The following WASHC5 variants were observed in gnomAD, a reference collection of about 807,000 sequenced individuals.
WASHC5 encodes the protein WASH complex subunit strumpellin.
In WASHC5, 101 loss-of-function variants were observed where a neutral mutation model predicts 150.4. The observed-to-expected ratio is 0.67, with a 90% CI of 0.57 to 0.79. The LOEUF (loss-of-function observed/expected upper bound fraction) is 0.79, where lower values mean the gene tolerates loss of function less well. Among genes scored for constraint, WASHC5 ranks in the 30% least tolerant of loss-of-function variants. The probability of loss-of-function intolerance (pLI) is 0.00; values close to 1 mark genes in which losing one functional copy is unlikely to be tolerated. For missense variants in WASHC5, 1,195 were observed against 1,396.3 expected, an observed-to-expected ratio of 0.86 and a Z score of 2.30; for synonymous variants, 467 against 491.2, an observed-to-expected ratio of 0.95 and a Z score of 0.65.
intron 26 of WASHC5, 114 bp from the exon 27 acceptor site, chr8:125,032,508 G>T: frequency 8.4e-7 from 1 of 1,191,688 alleles, no homozygotes; most frequent in African/African-American, 1.5e-5. Flanking sequence ...GCTGGCAGAT[G>T]ATATTTTGGA....
In WASHC5 at chr8:125,051,661, G is replaced by A. The variant is rs566351142; in HGVS notation, c.2098-996C>T. The stretch of plus-strand genomic sequence containing the variant: ...CCAGCTCTTTGGAAAGCTGAGGCAG[G>A]CGGATCACCCAAGGTCAGGAGTTCC... On this transcript the variant is annotated intron_variant, in intron 17 of 28. Transcript: ENST00000318410. Among the ~76,000 whole-genome samples the A allele has an allele frequency of 3.9e-4, 60 of 152,342 alleles. 1 individual carries two copies. The highest frequency in any genetic ancestry group is 3.4e-3 in the Middle Eastern group (1 of 294).
chr8:125,047,442 T>C (rs1269912586), intron 19 of WASHC5, 111 bp from the exon 20 acceptor site: 1 of 1,157,354 alleles, frequency 8.6e-7, no homozygotes, highest in Non-Finnish European at 1.2e-6. Flanking sequence ...ACAATAAAGG[T>C]TGTTTTTTTT....
intron 11 of WASHC5, among the ~76,000 whole-genome samples, chr8:125,063,099 C>T (rs973699147): frequency 1.3e-5 from 2 of 152,050 alleles, no homozygotes; most frequent in Non-Finnish European, 2.9e-5. Flanking sequence ...TAGATTATGA[C>T]ATTCTTGGGT....
chr8:125,091,003 C>A (rs776535547), intron 1 of WASHC5, among the ~76,000 whole-genome samples: 4 of 152,134 alleles, frequency 2.6e-5, no homozygotes, highest in Non-Finnish European at 5.9e-5. Context: ...TACGCCTCAC[C>A]TATGTTTGAG....
intron 23 of WASHC5, among the ~76,000 whole-genome samples, chr8:125,042,066 A>G (rs1410117914): frequency 6.6e-6 from 1 of 152,228 alleles, no homozygotes; most frequent in Non-Finnish European, 1.5e-5. Context: ...TTTACTGCAC[A>G]ATGAATCTTT....
At chr8:125,049,261 T>G in intron 18 of WASHC5, 76 bp from the exon 19 acceptor site, 1 of 1,507,232 alleles carries the variant, frequency 6.6e-7, no homozygotes, top group Non-Finnish European at 9.2e-7. Flanking sequence ...CTAACTAGAC[T>G]TTAAATAGTA....
At chr8:125,082,794 A>G in intron 3 of WASHC5, 1 of 366,802 alleles carries the variant, frequency 2.7e-6, no homozygotes, top group Non-Finnish European at 4.9e-6. Flanking sequence ...AAGAGACAGA[A>G]AGTTAATGAT....
At chr8:125,030,224 C>T (rs1410623844) in intron 27 of WASHC5, among the ~76,000 whole-genome samples, 1 of 152,184 alleles carries the variant, frequency 6.6e-6, no homozygotes, top group Admixed American at 6.5e-5. Flanking sequence ...ATCACCTCCG[C>T]ACCACCTGAA....
intron 5 of WASHC5, among the ~76,000 whole-genome samples, chr8:125,079,287 T>C (rs2130195113): frequency 7.0e-6 from 1 of 143,478 alleles, no homozygotes; most frequent in East Asian, 2.1e-4. Context: ...TGCCTCCAGG[T>C]TCAAGCAATT....
At position 125,064,608 on chromosome 8, in the gene WASHC5, GT is replaced by G. The variant is rs900675844; in HGVS notation, c.1279-958del. Among the ~76,000 whole-genome samples the G allele has an allele frequency of 2.1e-3, 305 of 144,302 alleles. 1 individual carries two copies. The highest frequency in any genetic ancestry group is 6.5e-3 in the African/African-American group (258 of 39,646). 94.7% of individuals were successfully genotyped at this position (144,302 alleles called of 152,430 possible). A position where few individuals can be genotyped will look rare whatever the true frequency, so the allele number is the denominator to read the frequency against. On this transcript the variant is annotated intron_variant, in intron 10 of 28. Coordinates refer to ENST00000318410, the MANE Select transcript of WASHC5 (RefSeq NM_014846.4). Reference sequence around the variant, plus strand: ...AGAAACGGGTGTAACTCAGGGTTGGGTTTTTTTTTTTTCTGAAACAAACTTA... The same window carrying G: ...AGAAACGGGTGTAACTCAGGGTTGGGTTTTTTTTTTTCTGAAACAAACTTA...
At chr8:125,069,459 GT>G (rs1816840937) in intron 9 of WASHC5, among the ~76,000 whole-genome samples, 2 of 152,330 alleles carry the variant, frequency 1.3e-5, no homozygotes, top group Admixed American at 1.3e-4. Flanking sequence ...GTATATGGTA[GT>G]TACACTAGTA....
At chr8:125,029,787 T>C (rs1487039599) in intron 27 of WASHC5, among the ~76,000 whole-genome samples, 1 of 152,218 alleles carries the variant, frequency 6.6e-6, no homozygotes, top group Non-Finnish European at 1.5e-5. Flanking sequence ...CCTGTACCAA[T>C]TGGCATTTTC....
chr8:125,067,510 G>C (rs1030872842), intron 10 of WASHC5, 82 bp downstream of exon 10: 1 of 1,177,874 alleles, frequency 8.5e-7, no homozygotes, highest in Non-Finnish European at 1.2e-6. Context: ...GACAGAGCAA[G>C]CAATCCTAGT....
chr8:125,032,655 A>G (rs892459868), intron 26 of WASHC5: 1 of 478,606 alleles, frequency 2.1e-6, no homozygotes, highest in Admixed American at 3.4e-5. Flanking sequence ...GAATTACTCA[A>G]TTAACATATA....
At position 125,078,910 on chromosome 8, in the gene WASHC5, T is replaced by G; in HGVS notation, c.539A>C (p.Asp180Ala). 1.2e-6 allele frequency: 2 copies of G among 1,613,732 alleles called. No homozygotes were observed. The highest frequency in any genetic ancestry group is 8.5e-7 in the Non-Finnish European group (1 of 1,179,864). The change falls in exon 6 of 29, where the codon GAT becomes GCT. Residue 180 changes from aspartate (D) to alanine (A), a missense_variant. Physicochemically the swap from Asp to Ala is moderately radical, Grantham distance 126 (BLOSUM62 -2). Coordinates refer to ENST00000318410, the MANE Select transcript of WASHC5 (RefSeq NM_014846.4). ...CTTACAAATATCGTCCATATTTGAA[T>G]CAGCAGAAGATCGAGCAGCACTGAG... ...YRYSAARSSA[D>A]SNMDDICKLL...
rs1816526768 is a variant in WASHC5, at chr8:125,059,561, C to T, written c.1522-19G>A. The stretch of plus-strand genomic sequence containing the variant: ...CTTGAACCTGTGTTACAGAAATATA[C>T]TTAATTTAAAAATCCTGAATGGACT... On this transcript the variant is annotated intron_variant, in intron 12 of 28. Transcript: ENST00000318410. The T allele has an allele frequency of 2.5e-6, 4 of 1,605,040 alleles. No homozygotes were observed. The highest frequency in any genetic ancestry group is 3.4e-6 in the Non-Finnish European group (4 of 1,172,724).
At position 125,052,993 on chromosome 8, in the gene WASHC5, A is replaced by C. The variant is rs539541870; in HGVS notation, c.2098-2328T>G. Among the ~76,000 whole-genome samples, 258 of 152,334 alleles carry C rather than the reference A, an allele frequency of 1.7e-3. 2 individuals are homozygous for C. Among genetic ancestry groups the C allele is most frequent in the African/African-American group, 5.9e-3 (245 of 41,574 alleles). On this transcript the variant is annotated intron_variant, in intron 17 of 28. Coordinates refer to ENST00000318410, the MANE Select transcript of WASHC5 (RefSeq NM_014846.4). ...CATCCAACACAAAGCCTATTTTATA[A>C]TAAAGTATTGAATATCTCATGTAAT...
chr8:125,042,409 ATTG>A (rs1250443060), intron 23 of WASHC5, among the ~76,000 whole-genome samples: 2 of 152,208 alleles, frequency 1.3e-5, no homozygotes, highest in Non-Finnish European at 2.9e-5. Context: ...GAACATTTCC[ATTG>A]TTGTTCCAGA....
chr8:125,043,759 G>A (rs1344309620), intron 23 of WASHC5, 66 bp downstream of exon 23: 1 of 1,168,906 alleles, frequency 8.6e-7, no homozygotes, highest in Non-Finnish European at 1.3e-6. Flanking sequence ...GGGCAACAAA[G>A]TTACAAGAAA....
Sources: allele counts gnomAD v4.1 joint callset (sites outside exome capture counted in the v4.1 genomes callset), GRCh38; gene constraint gnomAD v4.1.1; transcripts MANE v1.5; gene names NCBI Gene and HGNC (gene_info 2026-07-23, HGNC 2026-07-21).